The following TTC27 variants were observed in gnomAD, a reference collection of about 807,000 sequenced individuals.
TTC27 encodes the protein tetratricopeptide repeat domain 27.
TTC27 carries 79 observed loss-of-function variants against 115.9 expected under a neutral mutation model. The observed-to-expected ratio is 0.68, with a 90% CI of 0.57 to 0.82. TTC27 has a LOEUF of 0.82. TTC27 is among the 40% of genes least tolerant of loss of function. The pLI is 0.00. For missense variants in TTC27, 1,054 were observed against 993.1 expected (o/e 1.06, Z -0.82); for synonymous variants, 401 against 356.0 (o/e 1.13, Z -1.42).
intron 16 of TTC27, among the ~76,000 whole-genome samples, chr2:32,797,345 A>T (rs924701679): frequency 2.0e-5 from 3 of 149,038 alleles, no homozygotes; most frequent in African/African-American, 7.4e-5. Context: ...ACATCTAACA[A>T]TTTTTTTTTT....
At chr2:32,808,982 A>G (rs1328616559) in intron 16 of TTC27, among the ~76,000 whole-genome samples, 4 of 152,224 alleles carry the variant, frequency 2.6e-5, no homozygotes, top group African/African-American at 4.8e-5. Context: ...TATGAATTTC[A>G]TTACTTTAAG....
chr2:32,702,958 CT>C, intron 10 of TTC27, 38 bp downstream of exon 10: 1 of 1,367,384 alleles, frequency 7.3e-7, no homozygotes, highest in Non-Finnish European at 1.0e-6. Flanking sequence ...CTTCTTCCAA[CT>C]CTCTATTGCT....
chr2:32,785,627 G>A (rs1291485372), intron 15 of TTC27, among the ~76,000 whole-genome samples: 3 of 152,068 alleles, frequency 2.0e-5, no homozygotes, highest in Non-Finnish European at 2.9e-5. Flanking sequence ...ACAGAGTCTC[G>A]CTCTGTTGCC....
At chr2:32,644,924 C>A (rs1273866913) in intron 4 of TTC27, among the ~76,000 whole-genome samples, 4 of 127,132 alleles carry the variant, frequency 3.1e-5, no homozygotes, top group African/African-American at 1.2e-4. Context: ...TCCAGGATGG[C>A]CTTCAACTTG....
At chr2:32,727,487 C>T (rs866161795) in intron 10 of TTC27, among the ~76,000 whole-genome samples, 1 of 152,192 alleles carries the variant, frequency 6.6e-6, no homozygotes, top group South Asian at 2.1e-4. Flanking sequence ...AAGAAACCAG[C>T]ATCTGTTGAA....
At chr2:32,660,597 G>A (rs1415503325) in intron 5 of TTC27, among the ~76,000 whole-genome samples, 1 of 151,844 alleles carries the variant, frequency 6.6e-6, no homozygotes, top group African/African-American at 2.4e-5. Flanking sequence ...TGGGGGACTA[G>A]GGGACACTTT....
intron 18 of TTC27, among the ~76,000 whole-genome samples, chr2:32,816,370 G>C (rs1671502307): frequency 6.6e-6 from 1 of 151,900 alleles, no homozygotes; most frequent in Admixed American, 6.6e-5. Flanking sequence ...AGAGTATAAA[G>C]TAGACTTTAA....
intron 10 of TTC27, among the ~76,000 whole-genome samples, chr2:32,712,657 A>G (rs576453605): frequency 1.1e-4 from 16 of 151,660 alleles, no homozygotes; most frequent in Admixed American, 6.6e-4. Flanking sequence ...TCCTGGGCTC[A>G]CCTGTTTCTC....
chr2:32,707,512 C>T (rs7575535), intron 10 of TTC27, among the ~76,000 whole-genome samples: 10,912 of 152,120 alleles, frequency 0.072, 740 homozygotes, highest in African/African-American at 0.18. Context: ...TGTAAATGAA[C>T]GAGAAACAGA....
intron 13 of TTC27, among the ~76,000 whole-genome samples, chr2:32,765,820 A>G (rs1468313850): frequency 2.0e-5 from 3 of 152,116 alleles, no homozygotes; most frequent in Admixed American, 6.6e-5. Context: ...AACCTCATGA[A>G]CCATCTCTAC....
intron 19 of TTC27, among the ~76,000 whole-genome samples, chr2:32,818,773 G>A (rs1671589356): frequency 6.6e-6 from 1 of 152,116 alleles, no homozygotes; most frequent in Non-Finnish European, 1.5e-5. Flanking sequence ...GGCACAGGGA[G>A]GCCATTTCTG....
At chr2:32,655,290 C>T (rs1572481423) in intron 5 of TTC27, among the ~76,000 whole-genome samples, 2 of 151,788 alleles carry the variant, frequency 1.3e-5, no homozygotes, top group South Asian at 2.1e-4. Context: ...GTGCCTGGCC[C>T]GCCTGGCTAT....
chr2:32,819,088 G>A (rs567861893), intron 19 of TTC27, among the ~76,000 whole-genome samples: 1 of 152,298 alleles, frequency 6.6e-6, no homozygotes, highest in South Asian at 2.1e-4. Flanking sequence ...TCTAATCAAA[G>A]TAGTTTACTT....
intron 9 of TTC27, among the ~76,000 whole-genome samples, chr2:32,681,972 GTATA>G (rs67099066): frequency 8.0e-5 from 6 of 74,934 alleles, no homozygotes; most frequent in Admixed American, 7.1e-4. Context: ...TTATATATAT[GTATA>G]TATATGTGTG....
In TTC27 at chr2:32,782,649, G is replaced by A. The variant is rs1439936912; in HGVS notation, c.1803G>A (p.Leu601=). 6.2e-7 allele frequency: 1 copy of A among 1,611,878 alleles called. No homozygotes were observed. The highest frequency in any genetic ancestry group is 2.2e-5 in the East Asian group (1 of 44,656). The change falls in exon 15 of 20, where the codon TTG becomes TTA. Residue 601 remains leucine (L), a synonymous_variant. Transcript: ENST00000317907. ...EPDNAEAWNN[L]STSYIRLKQK... ...AGAATGCTGAAGCTTGGAACAATTTGTCAACTTCCTATATCCGATTAAAAC... is the reference window on the plus strand; with the variant it reads ...AGAATGCTGAAGCTTGGAACAATTTATCAACTTCCTATATCCGATTAAAAC...
intron 13 of TTC27, among the ~76,000 whole-genome samples, chr2:32,773,515 G>C (rs1398806321): frequency 1.3e-5 from 2 of 152,214 alleles, no homozygotes; most frequent in Non-Finnish European, 2.9e-5. Context: ...ATCATGGCTT[G>C]TGTATAGGCA....
Position 32,777,807 on chromosome 2 carries a change from A to G in TTC27, c.1681-75A>G, listed in dbSNP as rs1033769186. 1.1e-4 allele frequency: 156 copies of G among 1,386,516 alleles called. 1 individual carries two copies. The East Asian group carries it at 3.6e-3, about 32-fold the overall frequency. 85.9% of individuals were successfully genotyped at this position (1,386,516 alleles called of 1,614,324 possible). ...TTCTAGGAGTGTGTTTGTTGATAGC[A>G]TCTTAATAATTTTCAGATTACATTC... On this transcript the variant is annotated intron_variant, in intron 13 of 19. Transcript: ENST00000317907.
At chr2:32,713,861 G>A (rs548211922) in intron 10 of TTC27, among the ~76,000 whole-genome samples, 18 of 152,098 alleles carry the variant, frequency 1.2e-4, no homozygotes, top group South Asian at 1.0e-3. Context: ...AGATTATTTC[G>A]TCACTCAGGT....
chr2:32,688,070 ATAAAT>A (rs1160691526), intron 9 of TTC27, among the ~76,000 whole-genome samples: 1 of 152,216 alleles, frequency 6.6e-6, no homozygotes, highest in African/African-American at 2.4e-5. Flanking sequence ...GAATAAATGA[ATAAAT>A]TAAGAAATTG....
Sources: gnomAD v4.1 joint callset for allele counts (sites outside exome capture counted in the v4.1 genomes callset) on GRCh38, gnomAD v4.1.1 for gene constraint, MANE v1.5 for transcripts, NCBI Gene and HGNC (gene_info 2026-07-23, HGNC 2026-07-21) for gene names.